The following KLF12 variants were observed in gnomAD, a reference collection of about 807,000 sequenced individuals.
KLF12 encodes Krueppel-like factor 12.
Under a neutral mutation model 37.8 loss-of-function variants are expected in KLF12, and 9 were observed. That is an observed-to-expected ratio of 0.24 (90% confidence interval 0.14 to 0.42). The LOEUF (loss-of-function observed/expected upper bound fraction) is 0.42. Ranked by LOEUF, KLF12 falls within the 10% of genes least tolerant of loss-of-function variation. The pLI is 1.00. For missense variants in KLF12, 411 were observed against 516.0 expected (o/e 0.80, Z 1.97); for synonymous variants, 208 against 202.1 (o/e 1.03, Z -0.25).
chr13:74,093,252 G>C (rs1158256352), intron 1 of KLF12, among the ~76,000 whole-genome samples: 1 of 152,152 alleles, frequency 6.6e-6, no homozygotes, highest in Non-Finnish European at 1.5e-5. Context: ...CGGATAACTG[G>C]AGCAGAAATA....
chr13:74,203,034 G>T, the KLF12 span, among the ~76,000 whole-genome samples: 2 of 152,066 alleles, frequency 1.3e-5, no homozygotes, highest in Non-Finnish European at 2.9e-5. Flanking sequence ...TAGAACTAGT[G>T]ATTTATTATT....
At chr13:73,788,994 T>A (rs1881508919) in intron 5 of KLF12, among the ~76,000 whole-genome samples, 1 of 152,254 alleles carries the variant, frequency 6.6e-6, no homozygotes, top group Admixed American at 6.5e-5. Context: ...TTCTGAAAGC[T>A]ATTCAGACTG....
chr13:73,830,816 C>G (rs568165536), intron 4 of KLF12, among the ~76,000 whole-genome samples: 7 of 152,062 alleles, frequency 4.6e-5, no homozygotes, highest in African/African-American at 1.7e-4. Context: ...ACATGGATGT[C>G]GATCTCTGAA....
intron 2 of KLF12, among the ~76,000 whole-genome samples, chr13:73,944,907 T>C (rs1890350035): frequency 6.6e-6 from 1 of 152,218 alleles, no homozygotes; most frequent in Non-Finnish European, 1.5e-5. Flanking sequence ...CAGGCTCATA[T>C]TTTTAAACAT....
the KLF12 span, among the ~76,000 whole-genome samples, chr13:74,196,498 C>T: frequency 6.6e-6 from 1 of 152,164 alleles, no homozygotes; most frequent in South Asian, 2.1e-4. Flanking sequence ...AACTCTATGT[C>T]ATTTAAAATG....
At chr13:73,949,429 A>AT (rs1209499806) in intron 2 of KLF12, among the ~76,000 whole-genome samples, 7 of 151,940 alleles carry the variant, frequency 4.6e-5, no homozygotes, top group East Asian at 1.9e-4. Flanking sequence ...AGCTATTAAT[A>AT]TTTTTTTTCC....
chr13:73,869,356 C>T (rs889364681), intron 3 of KLF12, among the ~76,000 whole-genome samples: 3 of 151,872 alleles, frequency 2.0e-5, no homozygotes, highest in African/African-American at 7.3e-5. Context: ...TTTCAATGTC[C>T]ACAAACTAAA....
At chr13:73,716,435 C>T (rs1390888194) in intron 6 of KLF12, among the ~76,000 whole-genome samples, 2 of 152,166 alleles carry the variant, frequency 1.3e-5, no homozygotes, top group African/African-American at 4.8e-5. Flanking sequence ...AATATTTTGA[C>T]ATATTTTCTT....
chr13:73,746,089 C>G (rs1042291833), intron 6 of KLF12, among the ~76,000 whole-genome samples: 4 of 150,622 alleles, frequency 2.7e-5, no homozygotes, highest in African/African-American at 9.8e-5. Flanking sequence ...AAAAACTGTG[C>G]ATTGCCACAG....
chr13:73,804,300 C>T (rs372798763), intron 5 of KLF12, among the ~76,000 whole-genome samples: 5 of 152,288 alleles, frequency 3.3e-5, no homozygotes, highest in African/African-American at 1.2e-4. Context: ...ATGAGTCATT[C>T]ATTCTGTATC....
At chr13:73,942,031 G>A (rs1402523327) in intron 3 of KLF12, among the ~76,000 whole-genome samples, 1 of 152,158 alleles carries the variant, frequency 6.6e-6, no homozygotes, top group Non-Finnish European at 1.5e-5. Context: ...TAAATAATGT[G>A]ACATGGAGTT....
At chr13:74,031,771 C>T (rs1283956411) in intron 1 of KLF12, among the ~76,000 whole-genome samples, 2 of 146,082 alleles carry the variant, frequency 1.4e-5, no homozygotes, top group Admixed American at 6.9e-5. Flanking sequence ...TAGTGTTCCA[C>T]GTGATTCTTT....
At position 73,741,324 on chromosome 13, in the gene KLF12, T is replaced by G. The variant is rs562935283; in HGVS notation, c.869+23614A>C. On this transcript the variant is annotated intron_variant, in intron 6 of 7. Coordinates refer to ENST00000377669, the MANE Select transcript of KLF12 (RefSeq NM_007249.5). ...CATACAAGGGAGCCTGCCAGGGTTGTTCCCTGACCCCGGGAGAGCTACACC... is the reference window on the plus strand; with the variant it reads ...CATACAAGGGAGCCTGCCAGGGTTGGTCCCTGACCCCGGGAGAGCTACACC... Among the ~76,000 whole-genome samples the G allele has an allele frequency of 4.6e-5, 7 of 151,990 alleles. No homozygotes were observed. The South Asian group carries it at 1.5e-3, about 32-fold the overall frequency.
intron 1 of KLF12, among the ~76,000 whole-genome samples, chr13:74,098,502 C>T (rs1876112927): frequency 6.6e-6 from 1 of 152,184 alleles, no homozygotes; most frequent in Non-Finnish European, 1.5e-5. Context: ...GCTCTATGAT[C>T]TAATGAAGGT....
the KLF12 span, among the ~76,000 whole-genome samples, chr13:74,260,921 A>G: frequency 6.6e-6 from 1 of 152,172 alleles, no homozygotes; most frequent in African/African-American, 2.4e-5. Flanking sequence ...TGAAAAAAGC[A>G]AACTAAATAT....
At chr13:74,148,296 A>G in the KLF12 span, among the ~76,000 whole-genome samples, 2 of 151,664 alleles carry the variant, frequency 1.3e-5, no homozygotes, top group African/African-American at 4.8e-5. Context: ...TAATTTATCC[A>G]GTCTTAGAAA....
At chr13:73,832,808 T>C (rs997982050) in intron 4 of KLF12, among the ~76,000 whole-genome samples, 6 of 152,190 alleles carry the variant, frequency 3.9e-5, no homozygotes, top group Admixed American at 3.3e-4. Context: ...AATTTATGCT[T>C]TTAAAATGCT....
chr13:73,878,202 A>C (rs1886808804), intron 3 of KLF12, among the ~76,000 whole-genome samples: 1 of 152,320 alleles, frequency 6.6e-6, no homozygotes, highest in East Asian at 1.9e-4. Flanking sequence ...GCATGAACTC[A>C]AAGTAAATTT....
intron 7 of KLF12, among the ~76,000 whole-genome samples, chr13:73,711,692 C>T (rs2137654539): frequency 6.6e-6 from 1 of 152,256 alleles, no homozygotes; most frequent in Non-Finnish European, 1.5e-5. Flanking sequence ...ATGAGATGTA[C>T]AAGGAGATGG....
Sources: gnomAD v4.1 joint callset for allele counts (sites outside exome capture counted in the v4.1 genomes callset) on GRCh38, gnomAD v4.1.1 for gene constraint, MANE v1.5 for transcripts, NCBI Gene and HGNC (gene_info 2026-07-23, HGNC 2026-07-21) for gene names.